The following RYK variants were observed in gnomAD, a reference collection of about 807,000 sequenced individuals.
RYK encodes the protein receptor like tyrosine kinase.
RYK carries 21 observed loss-of-function variants against 70.2 expected under a neutral mutation model. That is an observed-to-expected ratio of 0.30 (90% CI 0.21 to 0.43). RYK has a LOEUF of 0.43. Among genes scored for constraint, RYK ranks in the 20% least tolerant of loss-of-function variants. The pLI is 1.00. For synonymous variants in RYK, 267 were observed against 278.0 expected, an observed-to-expected ratio of 0.96 and a Z score of 0.39; for missense variants, 604 against 753.3, an observed-to-expected ratio of 0.80 and a Z score of 2.32.
chr3:134,183,334 T>C (rs142401816), intron 9 of RYK: 2 of 249,966 alleles, frequency 8.0e-6, no homozygotes, highest in Non-Finnish European at 1.5e-5. Context: ...GAAAAACATA[T>C]GCAACACATA....
At chr3:134,191,607 T>C (rs1266868429) in intron 8 of RYK, among the ~76,000 whole-genome samples, 1 of 152,208 alleles carries the variant, frequency 6.6e-6, no homozygotes, top group South Asian at 2.1e-4. Context: ...ACCTTAAATA[T>C]AGCCAACAAT....
At chr3:134,196,857 T>G (rs2013835044) in intron 6 of RYK, among the ~76,000 whole-genome samples, 1 of 152,156 alleles carries the variant, frequency 6.6e-6, no homozygotes, top group Admixed American at 6.5e-5. Flanking sequence ...AATAAACATT[T>G]GGAGAGCACT....
At chr3:134,210,256 G>T (rs984197986) in intron 3 of RYK, among the ~76,000 whole-genome samples, 2 of 152,168 alleles carry the variant, frequency 1.3e-5, no homozygotes, top group Non-Finnish European at 2.9e-5. Context: ...CTACCAAAAT[G>T]CAAGTATGTC....
At chr3:134,199,574 G>A (rs551045960) in intron 6 of RYK, among the ~76,000 whole-genome samples, 1 of 152,348 alleles carries the variant, frequency 6.6e-6, no homozygotes, top group African/African-American at 2.4e-5. Context: ...CTGGGGTACA[G>A]TACTGGTAAA....
chr3:134,241,170 A>AC (rs1201146664), intron 1 of RYK, among the ~76,000 whole-genome samples: 1 of 61,712 alleles, frequency 1.6e-5, no homozygotes, highest in Non-Finnish European at 2.8e-5. Context: ...CGCCATCTCT[A>AC]CCAAAAAAAA....
At chr3:134,178,542 C>T (rs1398156837) in intron 10 of RYK, 1 of 151,994 alleles carries the variant, frequency 6.6e-6, no homozygotes, top group Admixed American at 6.6e-5. Context: ...GAAACTGCCA[C>T]AAAAGCCAAA....
chr3:134,217,134 C>T (rs967490103), intron 2 of RYK, among the ~76,000 whole-genome samples: 3 of 152,182 alleles, frequency 2.0e-5, no homozygotes, highest in African/African-American at 7.2e-5. Flanking sequence ...TTACCAGAAG[C>T]TGTGATATGT....
At position 134,175,627 on chromosome 3, in the gene RYK, G is replaced by A. The variant is rs201359781; in HGVS notation, c.1557C>T (p.Phe519=). 4.4e-4 allele frequency: 713 copies of A among 1,613,812 alleles called. 2 individuals carry two copies. The highest frequency in any genetic ancestry group is 2.2e-3 in the Middle Eastern group (13 of 5,996). The change falls in exon 13 of 15, where the codon TTC becomes TTT. Residue 519 remains phenylalanine (F), a synonymous_variant. Transcript: ENST00000623711. ...MALESLVNNE[F]SSASDVWAFG... is the part of the protein sequence containing the mutation. The stretch of plus-strand genomic sequence containing the variant: ...CACTTACCACATCACTAGCGCTAGA[G>A]AACTCGTTATTAACCAGACTTTCAA...
intron 6 of RYK, among the ~76,000 whole-genome samples, chr3:134,201,146 C>T (rs112078995): frequency 8.5e-4 from 130 of 152,338 alleles, no homozygotes; most frequent in African/African-American, 3.0e-3. Context: ...CAATCGCTTC[C>T]AAATGCCATT....
intron 13 of RYK, among the ~76,000 whole-genome samples, chr3:134,174,091 G>T (rs1017440444): frequency 1.3e-5 from 2 of 152,176 alleles, no homozygotes; most frequent in African/African-American, 4.8e-5. Flanking sequence ...TTTGAAAGAC[G>T]TATGTGAAGA....
intron 11 of RYK, among the ~76,000 whole-genome samples, chr3:134,176,321 C>T (rs1349031031): frequency 6.6e-6 from 1 of 152,220 alleles, no homozygotes; most frequent in African/African-American, 2.4e-5. Flanking sequence ...CTGCTCAATA[C>T]ATCTGTTCAG....
At chr3:134,184,946 G>A (rs115271860) in intron 9 of RYK, among the ~76,000 whole-genome samples, 5,663 of 122,500 alleles carry the variant, frequency 0.046, 160 homozygotes, top group East Asian at 0.14. Flanking sequence ...GCAACATGGT[G>A]AAACCCCATC....
chr3:134,198,458 A>G (rs2013883041), intron 6 of RYK, among the ~76,000 whole-genome samples: 3 of 152,180 alleles, frequency 2.0e-5, no homozygotes, highest in South Asian at 2.1e-4. Flanking sequence ...TGTGACCCCT[A>G]CATTCCAGTA....
chr3:134,188,843 C>G lies in RYK; in HGVS notation c.1096G>C (p.Val366Leu). ...TATGGAAAAAAGATCCTACCTTTAACTGTTTTGACAAATGCTTGTTTTTCT... is the reference window on the plus strand; with the variant it reads ...TATGGAAAAAAGATCCTACCTTTAAGTGTTTTGACAAATGCTTGTTTTTCT... ...NKEKQAFVKTVKDQASEIQVT... is the reference protein window; with the variant it reads ...NKEKQAFVKTLKDQASEIQVT... The change falls in exon 9 of 15, where the codon GTT becomes CTT. Residue 366 changes from valine to leucine, a missense_variant. Transcript: ENST00000623711. 2 of 1,549,628 alleles carry G rather than the reference C, an allele frequency of 1.3e-6. No homozygotes were observed. The highest frequency in any genetic ancestry group is 1.2e-5 in the South Asian group (1 of 86,808).
chr3:134,158,237 G>C lies in RYK; in HGVS notation c.1740C>G (p.Ala580=). The change falls in exon 15 of 15, where the codon GCC becomes GCG. Residue 580 remains alanine, a synonymous_variant. Transcript: ENST00000623711. ...ACTTGGGCCTCTCCTCTGGATCTAA[G>C]GCCCAGCAACAGGCCATCACAGCAA... ...ELFAVMACCW[A]LDPEERPKFQ... is the part of the protein sequence containing the mutation. 6.4e-7 allele frequency: 1 copy of C among 1,571,214 alleles called. No individual in the cohort carries two copies. Among genetic ancestry groups the C allele is most frequent in the Non-Finnish European group, 8.6e-7 (1 of 1,156,888 alleles).
chr3:134,173,816 T>C (rs1421020899), intron 13 of RYK, among the ~76,000 whole-genome samples: 1 of 152,186 alleles, frequency 6.6e-6, no homozygotes, highest in Non-Finnish European at 1.5e-5. Context: ...TTAAAGGAAT[T>C]TTCCCCTTTC....
chr3:134,249,935 T>G (rs971617377), intron 1 of RYK, among the ~76,000 whole-genome samples: 18 of 148,192 alleles, frequency 1.2e-4, no homozygotes, highest in Non-Finnish European at 2.2e-4. Flanking sequence ...TTTTTTTTTT[T>G]TTTTTTTTGT....
rs1374122514 is a variant in RYK at position 134,250,655 on chromosome 3, G to GGCCGCCGCC, written c.-10_-2dup. Reference sequence around the variant, plus strand: ...GCCCCAGCCGCGCCGCCCCACGCATGGCCGCCGCCGCCGCCGCCGAAGAGG... The same window carrying GGCCGCCGCC: ...GCCCCAGCCGCGCCGCCCCACGCATGGCCGCCGCCGCCGCCGCCGCCGCCGCCGAAGAGG... On this transcript the variant is annotated 5_prime_UTR_variant, in exon 1 of 15. Transcript: ENST00000623711. The GGCCGCCGCC allele has an allele frequency of 1.0e-6, 1 of 979,418 alleles. No homozygotes were observed. The highest frequency in any genetic ancestry group is 1.1e-4 in the East Asian group (1 of 8,730). The allele number at this position is 979,418 out of a possible 1,614,324, so 60.7% of individuals were successfully genotyped here.
chr3:134,242,714 T>G (rs1351346882), intron 1 of RYK, among the ~76,000 whole-genome samples: 1 of 152,218 alleles, frequency 6.6e-6, no homozygotes, highest in African/African-American at 2.4e-5. Flanking sequence ...CTCACATGTT[T>G]GATTTGTCCC....
Sources: allele counts gnomAD v4.1 joint callset (sites outside exome capture counted in the v4.1 genomes callset), GRCh38; gene constraint gnomAD v4.1.1; transcripts MANE v1.5; gene names NCBI Gene and HGNC (gene_info 2026-07-23, HGNC 2026-07-21).